SNRPN: variants seen among roughly 807,000 people sequenced by gnomAD.
SNRPN encodes the protein small nuclear ribonucleoprotein polypeptide N, also known as small nuclear ribonucleoprotein-associated protein N.
In SNRPN, 7 loss-of-function variants were observed where a neutral mutation model predicts 25.2. The ratio of observed to expected loss-of-function variants is 0.28; its 90% CI spans 0.16 to 0.52. The LOEUF is 0.52. SNRPN is among the 20% of genes least tolerant of loss of function. The pLI is 0.96. For missense variants in SNRPN, 196 were observed against 322.5 expected (o/e 0.61, Z 3.00); for synonymous variants, 124 against 110.6 (o/e 1.12, Z -0.76).
At chr15:24,879,313 TGTA>T (rs1307699952) in intron 1 of SNRPN, among the ~76,000 whole-genome samples, 1 of 151,904 alleles carries the variant, frequency 6.6e-6, no homozygotes, top group Non-Finnish European at 1.5e-5. Flanking sequence ...GGTGTTCGCC[TGTA>T]GTCCTAGCTA....
intron 2 of SNRPN, among the ~76,000 whole-genome samples, chr15:24,962,614 T>G (rs1333706623): frequency 6.6e-6 from 1 of 152,208 alleles, no homozygotes; most frequent in East Asian, 1.9e-4. Flanking sequence ...AGTGCATTTA[T>G]TCTGTTAAAA....
chr15:24,866,644 T>A (rs935831249), intron 1 of SNRPN, among the ~76,000 whole-genome samples: 46 of 152,166 alleles, frequency 3.0e-4, no homozygotes, highest in African/African-American at 1.1e-3. Context: ...AAATTATTCC[T>A]CCTCTCTGAC....
chr15:24,968,596 C>A (rs1223425156), intron 3 of SNRPN, among the ~76,000 whole-genome samples: 2 of 151,948 alleles, frequency 1.3e-5, no homozygotes, highest in African/African-American at 4.8e-5. Flanking sequence ...AAATAAAGGG[C>A]CAGTTACAAC....
intron 2 of SNRPN, among the ~76,000 whole-genome samples, chr15:24,841,547 A>G (rs1288985960): frequency 6.6e-6 from 1 of 152,186 alleles, no homozygotes; most frequent in African/African-American, 2.4e-5. Context: ...CACCTGAGAA[A>G]AAACTGAAGT....
chr15:24,922,889 C>CTTT (rs1566915791), intron 3 of SNRPN, among the ~76,000 whole-genome samples: 3 of 34,566 alleles, frequency 8.7e-5, no homozygotes, highest in Non-Finnish European at 1.5e-4. Context: ...GTAGGCAGAT[C>CTTT]CTTTTTTTTT....
chr15:24,834,365 C>A (rs1360231260), intron 2 of SNRPN, among the ~76,000 whole-genome samples: 1 of 152,088 alleles, frequency 6.6e-6, no homozygotes, highest in African/African-American at 2.4e-5. Flanking sequence ...TCTAAGACGG[C>A]TCAGCATGAC....
At chr15:24,870,555 G>C (rs4906926) in intron 1 of SNRPN, among the ~76,000 whole-genome samples, 84,115 of 151,346 alleles carry the variant, frequency 0.56, 23,980 homozygotes, top group Middle Eastern at 0.72. Flanking sequence ...CACCAAGTTA[G>C]AGGCTACATG....
At chr15:24,919,157 T>C (rs975656569) in intron 2 of SNRPN, among the ~76,000 whole-genome samples, 12 of 151,312 alleles carry the variant, frequency 7.9e-5, no homozygotes, top group South Asian at 2.1e-4. Context: ...TTGCTGGGCG[T>C]GGTGGCTCAC....
At chr15:24,879,621 C>T (rs574296111) in intron 1 of SNRPN, among the ~76,000 whole-genome samples, 1 of 152,238 alleles carries the variant, frequency 6.6e-6, no homozygotes, top group East Asian at 1.9e-4. Flanking sequence ...CTGCAGAGAC[C>T]ATGTCTGTCA....
intron 2 of SNRPN, among the ~76,000 whole-genome samples, chr15:24,844,227 G>A (rs543825719): frequency 6.6e-6 from 1 of 152,098 alleles, no homozygotes; most frequent in African/African-American, 2.4e-5. Context: ...TAGGGACATA[G>A]TGGCACCTTA....
chr15:24,904,272 G>T (rs1301854343), intron 2 of SNRPN, among the ~76,000 whole-genome samples: 3 of 152,164 alleles, frequency 2.0e-5, no homozygotes, highest in Non-Finnish European at 4.4e-5. Flanking sequence ...AACAGTTGGT[G>T]AGAACCCTAT....
intron 2 of SNRPN, among the ~76,000 whole-genome samples, chr15:24,893,833 C>T (rs2057866261): frequency 6.6e-6 from 1 of 151,730 alleles, no homozygotes; most frequent in African/African-American, 2.4e-5. Flanking sequence ...GTTATGACAT[C>T]ATTACGTGTC....
chr15:24,938,462 G>A (rs1002427967), intron 3 of SNRPN, among the ~76,000 whole-genome samples: 2 of 151,746 alleles, frequency 1.3e-5, no homozygotes, highest in African/African-American at 4.8e-5. Context: ...TAACCTTGAA[G>A]TGACAGTGCT....
intron 2 of SNRPN, among the ~76,000 whole-genome samples, chr15:24,906,836 T>G (rs912268821): frequency 6.6e-6 from 1 of 152,136 alleles, no homozygotes; most frequent in Non-Finnish European, 1.5e-5. Context: ...CCAGTCTATT[T>G]CTAATTAGGT....
rs34575205 is a variant in SNRPN, at chr15:24,923,923, A to ATTTTT, written c.-391+3820_-391+3824dup. Among the ~76,000 whole-genome samples, 6 of 89,916 alleles carry ATTTTT rather than the reference A, an allele frequency of 6.7e-5. 2 individuals are homozygous for ATTTTT. Among genetic ancestry groups the ATTTTT allele is most frequent in the Non-Finnish European group, 5.9e-5 (3 of 50,610 alleles). 59.0% of individuals were successfully genotyped at this position (89,916 alleles called of 152,430 possible). Reference sequence around the variant, plus strand: ...TGTGTGTGTGTGTGTGTATATAAACATTTTTTTTTTTTTTTTTTTTTTTTT... The same window carrying ATTTTT: ...TGTGTGTGTGTGTGTGTATATAAACATTTTTTTTTTTTTTTTTTTTTTTTTTTTTT... On this transcript the variant is annotated intron_variant, in intron 3 of 11. Coordinates refer to the SNRPN transcript ENST00000400097.
chr15:24,864,647 G>GTT (rs35131413), intron 1 of SNRPN, among the ~76,000 whole-genome samples: 29 of 150,658 alleles, frequency 1.9e-4, no homozygotes, highest in East Asian at 3.9e-4. Flanking sequence ...CCTGGCCAAT[G>GTT]TTTTTTTTTG....
chr15:24,897,960 T>A (rs1566885977), intron 2 of SNRPN, among the ~76,000 whole-genome samples: 1 of 152,054 alleles, frequency 6.6e-6, no homozygotes, highest in Non-Finnish European at 1.5e-5. Context: ...AATACATGAA[T>A]AAAAAAAGTT....
chr15:24,937,662 G>T (rs1486805775), intron 3 of SNRPN, among the ~76,000 whole-genome samples: 1 of 151,860 alleles, frequency 6.6e-6, no homozygotes, highest in Admixed American at 6.6e-5. Context: ...CCCGTTTCAG[G>T]GGCACTAAGT....
At chr15:24,970,260 C>T (rs887585626) in intron 3 of SNRPN, among the ~76,000 whole-genome samples, 9 of 152,120 alleles carry the variant, frequency 5.9e-5, no homozygotes, top group East Asian at 1.9e-4. Context: ...GTAAGGCACA[C>T]GATGGCCAGG....
Sources: allele counts gnomAD v4.1 joint callset (sites outside exome capture counted in the v4.1 genomes callset), GRCh38; gene constraint gnomAD v4.1.1; transcripts MANE v1.5; gene names NCBI Gene and HGNC (gene_info 2026-07-23, HGNC 2026-07-21).